CREB3L2: variants seen among roughly 807,000 people sequenced by gnomAD.
The protein encoded by CREB3L2 is cyclic AMP-responsive element-binding protein 3-like protein 2.
A neutral mutation model predicts 57.2 loss-of-function variants in CREB3L2; 23 were observed. That is an observed-to-expected ratio of 0.40 (90% confidence interval 0.29 to 0.57). CREB3L2 has a LOEUF of 0.57. CREB3L2 is among the 20% of genes least tolerant of loss of function. The pLI is 0.42. For synonymous variants in CREB3L2, 268 were observed against 265.1 expected (o/e 1.01, Z -0.11); for missense variants, 628 against 634.7 (o/e 0.99, Z 0.11).
intron 1 of CREB3L2, among the ~76,000 whole-genome samples, chr7:137,939,538 T>C (rs1399107534): frequency 6.6e-6 from 1 of 152,224 alleles, no homozygotes; most frequent in Non-Finnish European, 1.5e-5. Flanking sequence ...AGTCCTCTGA[T>C]ATGCTTCAAG....
chr7:137,976,088 G>A (rs1018890526), intron 1 of CREB3L2, among the ~76,000 whole-genome samples: 8 of 152,192 alleles, frequency 5.3e-5, no homozygotes, highest in Non-Finnish European at 1.0e-4. Context: ...CTTTCTTTTT[G>A]CTAATAATGT....
intron 8 of CREB3L2, among the ~76,000 whole-genome samples, chr7:137,893,224 A>T (rs184590635): frequency 6.6e-6 from 1 of 152,350 alleles, no homozygotes; most frequent in East Asian, 1.9e-4. Flanking sequence ...AAGGAACAAA[A>T]ACTGAGGCTG....
intron 8 of CREB3L2, among the ~76,000 whole-genome samples, chr7:137,888,087 G>A (rs1799462943): frequency 6.6e-6 from 1 of 152,134 alleles, no homozygotes; most frequent in African/African-American, 2.4e-5. Context: ...TGAGTAGCTG[G>A]GAGGGAATAC....
At chr7:137,910,420 C>T (rs1045378342) in intron 4 of CREB3L2, among the ~76,000 whole-genome samples, 3 of 152,066 alleles carry the variant, frequency 2.0e-5, no homozygotes, top group East Asian at 3.9e-4. Context: ...TAATCCTAAT[C>T]GCGCTATTCC....
intron 1 of CREB3L2, among the ~76,000 whole-genome samples, chr7:137,972,211 C>A (rs938354997): frequency 3.3e-5 from 5 of 151,968 alleles, no homozygotes; most frequent in Non-Finnish European, 7.4e-5. Context: ...GAAGCTGAGG[C>A]GGGCGGATCA....
chr7:137,885,515 A>G lies in CREB3L2; in HGVS notation c.1044-13T>C, dbSNP rs776679403. 1.9e-6 allele frequency: 3 copies of G among 1,599,284 alleles called. No homozygotes were observed. Among genetic ancestry groups the G allele is most frequent in the Non-Finnish European group, 2.6e-6 (3 of 1,166,510 alleles). ...CTGAAGGAGAGTCCTGCCAATGATA[A>G]CAACAGCCGTGAGGGGAGTCTGACA... On this transcript the variant is annotated splice_polypyrimidine_tract_variant and intron_variant, in intron 8 of 11. Transcript: ENST00000330387.
At chr7:137,936,189 G>GTCTTATAA (rs1800780461) in intron 1 of CREB3L2, among the ~76,000 whole-genome samples, 1 of 152,220 alleles carries the variant, frequency 6.6e-6, no homozygotes, top group Non-Finnish European at 1.5e-5. Context: ...TATAAAGACA[G>GTCTTATAA]AGTTATCCCA....
At chr7:137,972,707 A>ACAACAAC (rs1563270106) in intron 1 of CREB3L2, among the ~76,000 whole-genome samples, 29 of 44,198 alleles carry the variant, frequency 6.6e-4, no homozygotes, top group African/African-American at 9.1e-4. Flanking sequence ...AAAAAAAAAA[A>ACAACAAC]AAAAAATATA....
chr7:137,926,831 C>T (rs1800473340), intron 2 of CREB3L2, among the ~76,000 whole-genome samples: 1 of 151,956 alleles, frequency 6.6e-6, no homozygotes, highest in East Asian at 1.9e-4. Context: ...GCTGGCTATC[C>T]CTCTAGGAAA....
At chr7:137,995,494 C>T (rs1210985811) in intron 1 of CREB3L2, among the ~76,000 whole-genome samples, 2 of 151,992 alleles carry the variant, frequency 1.3e-5, no homozygotes, top group East Asian at 1.9e-4. Flanking sequence ...GCCACCACGC[C>T]CAGCTAATTT....
Position 137,877,520 on chromosome 7 carries a change from TG to T in CREB3L2, c.*2955del. The T allele has an allele frequency of 4.4e-6, 1 of 226,062 alleles. No individual in the cohort carries two copies. Among genetic ancestry groups the T allele is most frequent in the East Asian group, 6.4e-5 (1 of 15,630 alleles). 14.0% of individuals were successfully genotyped at this position (226,062 alleles called of 1,614,324 possible). On this transcript the variant is annotated 3_prime_UTR_variant, in exon 12 of 12. Coordinates refer to ENST00000330387, the MANE Select transcript of CREB3L2 (RefSeq NM_194071.4). ...TCGAGGGCTGTGAAAAGAACCACGG[TG>T]GGGGGTCTGGGTTACTCAGGTCTTA...
chr7:137,985,826 C>A (rs574728103), intron 1 of CREB3L2, among the ~76,000 whole-genome samples: 2 of 152,280 alleles, frequency 1.3e-5, no homozygotes, highest in Non-Finnish European at 2.9e-5. Flanking sequence ...CAAATCAATA[C>A]CAGGCGTTGA....
intron 4 of CREB3L2, among the ~76,000 whole-genome samples, chr7:137,910,297 C>T (rs1437060142): frequency 6.6e-6 from 1 of 152,028 alleles, no homozygotes. Flanking sequence ...CTGCCACATA[C>T]AGCTTTTCTC....
chr7:137,959,115 G>T (rs1002779387), intron 1 of CREB3L2, among the ~76,000 whole-genome samples: 1 of 152,214 alleles, frequency 6.6e-6, no homozygotes, highest in Non-Finnish European at 1.5e-5. Flanking sequence ...ACCTAAGGAG[G>T]ATTGTGAAAA....
chr7:137,901,494 T>C, intron 7 of CREB3L2, 72 bp from the exon 8 acceptor site: 1 of 934,024 alleles, frequency 1.1e-6, no homozygotes. Context: ...AGGGTGGAGG[T>C]AGGTGGGGAT....
intron 8 of CREB3L2, among the ~76,000 whole-genome samples, chr7:137,900,589 G>A (rs1227046261): frequency 1.3e-5 from 2 of 151,622 alleles, no homozygotes; most frequent in Admixed American, 1.3e-4. Flanking sequence ...GAGGTCAGGA[G>A]ATTGAGACCA....
chr7:137,975,862 G>A (rs989269105), intron 1 of CREB3L2, among the ~76,000 whole-genome samples: 1 of 152,204 alleles, frequency 6.6e-6, no homozygotes, highest in Non-Finnish European at 1.5e-5. Context: ...ATTCAAAGTA[G>A]TTTTGCCCTT....
At chr7:137,914,008 C>T (rs535926242) in intron 3 of CREB3L2, among the ~76,000 whole-genome samples, 6 of 152,142 alleles carry the variant, frequency 3.9e-5, no homozygotes, top group African/African-American at 1.4e-4. Context: ...CATATAGCCA[C>T]AATGCACTTA....
At chr7:137,996,429 A>G (rs1369403346) in intron 1 of CREB3L2, among the ~76,000 whole-genome samples, 1 of 152,240 alleles carries the variant, frequency 6.6e-6, no homozygotes, top group Admixed American at 6.5e-5. Flanking sequence ...AGAACTCACT[A>G]CATTTATTCA....
Sources: gnomAD v4.1 joint callset for allele counts (sites outside exome capture counted in the v4.1 genomes callset) on GRCh38, gnomAD v4.1.1 for gene constraint, MANE v1.5 for transcripts, NCBI Gene and HGNC (gene_info 2026-07-23, HGNC 2026-07-21) for gene names.